FAM227B: variants seen among roughly 807,000 people sequenced by gnomAD.
FAM227B encodes family with sequence similarity 227 member B.
Under a neutral mutation model 73.8 loss-of-function variants are expected in FAM227B, and 88 were observed. That is an observed-to-expected ratio of 1.19 (90% CI 1.00 to 1.42). The LOEUF (loss-of-function observed/expected upper bound fraction) is 1.42. FAM227B is among the 40% of genes most tolerant of loss of function. FAM227B has a pLI of 0.00. For synonymous variants in FAM227B, 210 were observed against 190.5 expected, an observed-to-expected ratio of 1.10 and a Z score of -0.84; for missense variants, 632 against 590.9, an observed-to-expected ratio of 1.07 and a Z score of -0.72.
At chr15:49,518,641 G>A (rs1409787718) in intron 10 of FAM227B, among the ~76,000 whole-genome samples, 2 of 151,912 alleles carry the variant, frequency 1.3e-5, no homozygotes, top group Non-Finnish European at 2.9e-5. Context: ...CAGATCTCAG[G>A]AGACTTATTC....
In FAM227B at chr15:49,396,357, G is replaced by A. The variant is rs55798075; in HGVS notation, c.1013-24958C>T. The stretch of plus-strand genomic sequence containing the variant: ...GCTCGGAGGGTCCTACGCCCACGGA[G>A]TCTCGCTGATTGCTAGCACAGCAGT... On this transcript the variant is annotated intron_variant, in intron 11 of 15. Transcript: ENST00000299338. The A allele has an allele frequency of 1.8e-3, 502 of 283,064 alleles. 3 individuals carry two copies. The highest frequency in any genetic ancestry group is 1.9e-3 in the Non-Finnish European group (278 of 143,572). The allele number at this position is 283,064 out of a possible 1,614,324, so 17.5% of individuals were successfully genotyped here.
intron 11 of FAM227B, among the ~76,000 whole-genome samples, chr15:49,460,229 A>T (rs1361344563): frequency 6.6e-6 from 1 of 152,182 alleles, no homozygotes; most frequent in East Asian, 1.9e-4. Flanking sequence ...AAAAAGTCCA[A>T]AAAACTCAGT....
intron 5 of FAM227B, among the ~76,000 whole-genome samples, chr15:49,578,654 CT>C (rs2075622184): frequency 6.6e-6 from 1 of 152,104 alleles, no homozygotes; most frequent in Admixed American, 6.5e-5. Flanking sequence ...TGATGTATTG[CT>C]TCCAGAAAGA....
intron 10 of FAM227B, among the ~76,000 whole-genome samples, chr15:49,535,414 A>G (rs1335582975): frequency 6.6e-6 from 1 of 151,802 alleles, no homozygotes; most frequent in Non-Finnish European, 1.5e-5. Flanking sequence ...AAATAAAGAC[A>G]TTGAAAAGGT....
At chr15:49,429,832 T>A (rs2050438533) in intron 11 of FAM227B, among the ~76,000 whole-genome samples, 2 of 151,844 alleles carry the variant, frequency 1.3e-5, no homozygotes, top group African/African-American at 4.8e-5. Context: ...ACTGGGGAAT[T>A]AAGTCAGAAT....
Position 49,387,499 on chromosome 15 carries a change from TATG to T in FAM227B, c.1013-16103_1013-16101del, listed in dbSNP as rs141286764. 1.1e-3 allele frequency among the ~76,000 whole-genome samples: 168 copies of T among 151,998 alleles called. 3 individuals carry two copies. The East Asian group carries it at 0.027, about 24-fold the overall frequency. On this transcript the variant is annotated intron_variant, in intron 11 of 15. Transcript: ENST00000299338. Reference sequence around the variant, plus strand: ...CTATATCAAAATAATAAAATCCATATATGACAAACCCATAGCCAACATCTTACT... The same window carrying T: ...CTATATCAAAATAATAAAATCCATATACAAACCCATAGCCAACATCTTACT...
At chr15:49,490,270 G>A (rs1193486013) in intron 11 of FAM227B, among the ~76,000 whole-genome samples, 1 of 151,728 alleles carries the variant, frequency 6.6e-6, no homozygotes. Flanking sequence ...AGTTACAATT[G>A]TTTTTGCATC....
intron 10 of FAM227B, among the ~76,000 whole-genome samples, chr15:49,539,164 G>A (rs1316035090): frequency 6.6e-6 from 1 of 152,132 alleles, no homozygotes; most frequent in African/African-American, 2.4e-5. Context: ...TGGTGAGCAT[G>A]CAACAGCTTA....
chr15:49,481,535 A>C (rs1337990835), intron 11 of FAM227B, among the ~76,000 whole-genome samples: 8 of 152,208 alleles, frequency 5.3e-5, no homozygotes, highest in Non-Finnish European at 1.2e-4. Flanking sequence ...ATGCATCAAC[A>C]TCATAATCCT....
chr15:49,565,381 CA>C (rs3075974), intron 9 of FAM227B, among the ~76,000 whole-genome samples: 3,836 of 90,214 alleles, frequency 0.043, 127 homozygotes, highest in African/African-American at 0.14. Flanking sequence ...GACTCCATCT[CA>C]AAAAAAAAAA....
At chr15:49,551,222 G>A (rs980902527) in intron 9 of FAM227B, among the ~76,000 whole-genome samples, 1 of 152,174 alleles carries the variant, frequency 6.6e-6, no homozygotes, top group Non-Finnish European at 1.5e-5. Flanking sequence ...AGTGGGCCGA[G>A]ATGGCAGCAG....
intron 6 of FAM227B, 40 bp from the exon 7 acceptor site, chr15:49,576,885 C>A: frequency 8.5e-7 from 1 of 1,174,478 alleles, no homozygotes; most frequent in South Asian, 1.3e-5. Context: ...AAATATTTCA[C>A]TCTTCTCACT....
At chr15:49,433,577 C>T (rs1402433315) in intron 11 of FAM227B, among the ~76,000 whole-genome samples, 1 of 151,616 alleles carries the variant, frequency 6.6e-6, no homozygotes. Context: ...CCCTCTCATT[C>T]TCTATCACTA....
chr15:49,379,367 T>C (rs1166837239), intron 11 of FAM227B, among the ~76,000 whole-genome samples: 1 of 152,096 alleles, frequency 6.6e-6, no homozygotes, highest in Non-Finnish European at 1.5e-5. Context: ...TGATTTTGAG[T>C]AGGATTGGTG....
At chr15:49,566,627 T>A (rs1299602405) in intron 9 of FAM227B, among the ~76,000 whole-genome samples, 1 of 152,198 alleles carries the variant, frequency 6.6e-6, no homozygotes, top group Admixed American at 6.5e-5. Flanking sequence ...AAACCCTCAC[T>A]TATTTGAATT....
At chr15:49,525,711 T>TAA (rs1453800028) in intron 10 of FAM227B, among the ~76,000 whole-genome samples, 3 of 63,170 alleles carry the variant, frequency 4.7e-5, no homozygotes, top group Non-Finnish European at 1.1e-4. Context: ...TATATATATA[T>TAA]ATATATATCA....
At chr15:49,596,808 G>T (rs1232079043) in intron 3 of FAM227B, among the ~76,000 whole-genome samples, 1 of 151,882 alleles carries the variant, frequency 6.6e-6, no homozygotes, top group Non-Finnish European at 1.5e-5. Context: ...CACCAAAAGT[G>T]CAGGAGTAGC....
At chr15:49,601,976 C>T (rs1202035929) in intron 3 of FAM227B, among the ~76,000 whole-genome samples, 4 of 152,148 alleles carry the variant, frequency 2.6e-5, no homozygotes, top group Admixed American at 2.6e-4. Flanking sequence ...ACAGGATCTC[C>T]CACTTTTTTA....
intron 2 of FAM227B, among the ~76,000 whole-genome samples, chr15:49,613,146 T>A (rs1226552253): frequency 1.3e-5 from 2 of 151,842 alleles, no homozygotes; most frequent in African/African-American, 4.8e-5. Flanking sequence ...AGCCCAGGAG[T>A]TTGAGACCAG....
Sources: allele counts gnomAD v4.1 joint callset (sites outside exome capture counted in the v4.1 genomes callset), GRCh38; gene constraint gnomAD v4.1.1; transcripts MANE v1.5; gene names NCBI Gene and HGNC (gene_info 2026-07-23, HGNC 2026-07-21).